Variants in NUMB observed in about 807,000 individuals in gnomAD.
NUMB encodes the protein protein numb homolog.
NUMB carries 29 observed loss-of-function variants against 59.7 expected under a neutral mutation model. The observed-to-expected ratio is 0.49, with a 90% confidence interval of 0.36 to 0.66. The LOEUF (loss-of-function observed/expected upper bound fraction) is 0.66, where lower values mean the gene tolerates loss of function less well. Among genes scored for constraint, NUMB ranks in the 30% least tolerant of loss-of-function variants. The probability of loss-of-function intolerance (pLI) is 0.00; values close to 1 mark genes in which losing one functional copy is unlikely to be tolerated. For synonymous variants in NUMB, 288 were observed against 288.2 expected (o/e 1.00, Z 0.01); for missense variants, 723 against 822.0 (o/e 0.88, Z 1.47).
rs1888221560 is a variant in NUMB at position 73,277,128 on chromosome 14, G to A, written c.1406C>T (p.Pro469Leu). ...SAAPLQPVLQ[P>L]PPPTAISQPA... ...CTGGGAGATGGCAGTGGGTGGAGGA[G>A]GCTGGAGAACTGGCTGCAGAGGAGC... Residue 469 changes from proline (P) to leucine (L), a missense_variant, in exon 13 of 13, where the codon CCT (proline) becomes CTT (leucine). Physicochemically the swap from Pro to Leu is moderately conservative, Grantham distance 98. Transcript: ENST00000555238. 1.9e-6 allele frequency: 3 copies of A among 1,614,030 alleles called. No homozygotes were observed. The highest frequency in any genetic ancestry group is 1.3e-5 in the African/African-American group (1 of 75,024).
Position 73,416,149 on chromosome 14 carries a change from T to C in NUMB, c.-232-6081A>G, listed in dbSNP as rs192164386. Among the ~76,000 whole-genome samples the C allele has an allele frequency of 4.1e-3, 620 of 152,258 alleles. 1 individual carries two copies. Among genetic ancestry groups the C allele is most frequent in the Non-Finnish European group, 6.8e-3 (465 of 68,024 alleles). On this transcript the variant is annotated intron_variant, in intron 1 of 12. Transcript: ENST00000555238. ...TGAAGATAAATGAACACCCAGATTG[T>C]TTACATCCAGGTATCTGCCACTAGA...
intron 3 of NUMB, chr14:73,356,952 CCTCT>C: frequency 2.1e-6 from 1 of 467,598 alleles, no homozygotes; most frequent in South Asian, 9.1e-5. Context: ...CCCGCCTTGG[CCTCT>C]CTAAGTGCTG....
intron 6 of NUMB, among the ~76,000 whole-genome samples, chr14:73,305,405 T>C (rs1471986805): frequency 6.6e-6 from 1 of 150,446 alleles, no homozygotes; most frequent in Non-Finnish European, 1.5e-5. Flanking sequence ...ATTTTCTTTT[T>C]TTTTTCTGAC....
intron 2 of NUMB, among the ~76,000 whole-genome samples, chr14:73,383,206 CCA>C (rs1767807948): frequency 2.0e-5 from 3 of 152,030 alleles, no homozygotes; most frequent in Admixed American, 6.6e-5. Flanking sequence ...TTGTTAATTA[CCA>C]CACACAGACT....
chr14:73,306,529 A>C (rs936357564), intron 6 of NUMB, among the ~76,000 whole-genome samples: 2 of 152,182 alleles, frequency 1.3e-5, no homozygotes, highest in Non-Finnish European at 2.9e-5. Flanking sequence ...AGGTTGAATG[A>C]ATGAATGAAT....
intron 2 of NUMB, among the ~76,000 whole-genome samples, chr14:73,378,545 C>CA (rs907193179): frequency 2.0e-5 from 3 of 152,020 alleles, no homozygotes; most frequent in African/African-American, 7.2e-5. Context: ...GTGGTACATT[C>CA]AAAAAGTGGA....
intron 4 of NUMB, among the ~76,000 whole-genome samples, chr14:73,323,576 G>A (rs1891514569): frequency 6.6e-6 from 1 of 152,146 alleles, no homozygotes; most frequent in South Asian, 2.1e-4. Context: ...AATAGCCTGC[G>A]CTAGACACAG....
At chr14:73,368,238 A>G (rs1305758238) in intron 2 of NUMB, among the ~76,000 whole-genome samples, 1 of 152,194 alleles carries the variant, frequency 6.6e-6, no homozygotes, top group Non-Finnish European at 1.5e-5. Context: ...AAAGAAAATT[A>G]CACAAGCAAA....
At chr14:73,309,595 T>C (rs1170305909) in intron 6 of NUMB, among the ~76,000 whole-genome samples, 1 of 151,796 alleles carries the variant, frequency 6.6e-6, no homozygotes, top group African/African-American at 2.4e-5. Flanking sequence ...AGGGGACAAA[T>C]ACCTAACACA....
intron 2 of NUMB, among the ~76,000 whole-genome samples, chr14:73,388,684 T>C (rs1280271324): frequency 1.3e-5 from 2 of 152,202 alleles, no homozygotes; most frequent in African/African-American, 4.8e-5. Context: ...ACCTTGAGGC[T>C]GAGTGCGGTA....
At chr14:73,448,100 A>G (rs1883667010) in intron 1 of NUMB, among the ~76,000 whole-genome samples, 1 of 151,670 alleles carries the variant, frequency 6.6e-6, no homozygotes, top group South Asian at 2.1e-4. Context: ...TCTGGCCTCT[A>G]ATATTTTCAA....
chr14:73,363,852 C>T (rs564945928), intron 3 of NUMB, among the ~76,000 whole-genome samples: 20 of 152,132 alleles, frequency 1.3e-4, no homozygotes, highest in Non-Finnish European at 2.4e-4. Flanking sequence ...AGAAGGCTGA[C>T]GTGCGATGAA....
At chr14:73,285,903 G>A (rs1235808877) in intron 9 of NUMB, among the ~76,000 whole-genome samples, 1 of 148,464 alleles carries the variant, frequency 6.7e-6, no homozygotes. Flanking sequence ...TCCAGCCTGG[G>A]CAACAGAACT....
intron 3 of NUMB, among the ~76,000 whole-genome samples, chr14:73,365,989 G>A (rs544468093): frequency 1.3e-5 from 2 of 152,190 alleles, no homozygotes; most frequent in South Asian, 2.1e-4. Context: ...GTGATAAAAC[G>A]CTGCCAACAT....
intron 1 of NUMB, among the ~76,000 whole-genome samples, chr14:73,412,938 A>T (rs1436910745): frequency 1.3e-5 from 2 of 152,126 alleles, no homozygotes; most frequent in Non-Finnish European, 2.9e-5. Context: ...ATATTCTCAT[A>T]ACTAGGAAAA....
At chr14:73,401,498 T>G (rs915360074) in intron 2 of NUMB, among the ~76,000 whole-genome samples, 1 of 151,372 alleles carries the variant, frequency 6.6e-6, no homozygotes, top group African/African-American at 2.4e-5. Context: ...GGAAGGTTCA[T>G]GTCAAAGGCA....
rs115970636 is a variant in NUMB at position 73,343,905 on chromosome 14, G to T, written c.126+11721C>A. On this transcript the variant is annotated intron_variant, in intron 4 of 12. Coordinates refer to ENST00000555238, the MANE Select transcript of NUMB (RefSeq NM_001005743.2). Reference sequence around the variant, plus strand: ...GCATCAATTTTGTCTTTGTAGTAAAGCTTTAATAGTATTCGTGTGAAATGA... The same window carrying T: ...GCATCAATTTTGTCTTTGTAGTAAATCTTTAATAGTATTCGTGTGAAATGA... Among the ~76,000 whole-genome samples, 728 of 152,232 alleles carry T rather than the reference G, an allele frequency of 4.8e-3. 7 individuals are homozygous for T. The highest frequency in any genetic ancestry group is 0.017 in the African/African-American group (697 of 41,542).
intron 1 of NUMB, among the ~76,000 whole-genome samples, chr14:73,434,333 T>C (rs996258338): frequency 5.3e-5 from 8 of 152,156 alleles, no homozygotes; most frequent in African/African-American, 1.2e-4. Flanking sequence ...AAGATTATAA[T>C]AGTAGCTGCC....
chr14:73,300,862 G>A (rs373524386), intron 6 of NUMB, among the ~76,000 whole-genome samples: 23 of 151,854 alleles, frequency 1.5e-4, no homozygotes, highest in Non-Finnish European at 2.8e-4. Flanking sequence ...GTGTCCAAGT[G>A]TTCTCATTGT....
Sources: allele counts gnomAD v4.1 joint callset (sites outside exome capture counted in the v4.1 genomes callset), GRCh38; gene constraint gnomAD v4.1.1; transcripts MANE v1.5; gene names NCBI Gene and HGNC (gene_info 2026-07-23, HGNC 2026-07-21).